The following DUSP16 variants were observed in gnomAD, a reference collection of about 807,000 sequenced individuals.
DUSP16 encodes dual specificity protein phosphatase 16.
In DUSP16, 21 loss-of-function variants were observed where a neutral mutation model predicts 58.3. The observed-to-expected ratio is 0.36, with a 90% CI of 0.26 to 0.52. The LOEUF (loss-of-function observed/expected upper bound fraction) is 0.52, where lower values mean the gene tolerates loss of function less well. DUSP16 is among the 20% of genes least tolerant of loss of function. The pLI, the probability that DUSP16 is intolerant of heterozygous loss-of-function variation, is 0.94. For synonymous variants in DUSP16, 320 were observed against 323.8 expected, an observed-to-expected ratio of 0.99 and a Z score of 0.12; for missense variants, 726 against 819.0, an observed-to-expected ratio of 0.89 and a Z score of 1.39.
At chr12:12,493,421 T>G (rs542074400) in intron 4 of DUSP16, among the ~76,000 whole-genome samples, 1 of 152,178 alleles carries the variant, frequency 6.6e-6, no homozygotes, top group Non-Finnish European at 1.5e-5. Flanking sequence ...AAATTCAGGC[T>G]ATTTTCAACA....
Position 12,477,476 on chromosome 12 carries a change from G to A in DUSP16, c.1355C>T (p.Ser452Leu), listed in dbSNP as rs762231755. The A allele has an allele frequency of 6.8e-5, 109 of 1,597,152 alleles. 1 individual carries two copies. Among genetic ancestry groups the A allele is most frequent in the Admixed American group, 6.8e-5 (4 of 58,738 alleles). ...LCQFSPVQEL[S>L]EQTPETSPDK... ...AGGACTGGTTTCGGGAGTCTGCTCC[G>A]ATAGTTCCTGAACAGGGGAGAACTG... Residue 452 changes from serine to leucine, a missense_variant, in exon 7 of 7, where the codon TCG becomes TTG. Transcript: ENST00000298573. The surrounding 1 kb of genome is among the most constrained non-coding windows in gnomAD (Gnocchi z 4.1).
chr12:12,497,667 TAA>T (rs58191075), intron 4 of DUSP16, among the ~76,000 whole-genome samples: 19 of 145,526 alleles, frequency 1.3e-4, no homozygotes, highest in Admixed American at 3.4e-4. Flanking sequence ...GCACTTCATT[TAA>T]AAAAAAAAAA....
In DUSP16 at chr12:12,512,475, C is replaced by T. The variant is rs1160268164; in HGVS notation, c.367+7387G>A. Among the ~76,000 whole-genome samples the T allele has an allele frequency of 3.3e-5, 5 of 152,168 alleles. No individual in the cohort carries two copies. In the South Asian group the frequency reaches 6.2e-4, roughly 19 times the overall value. On this transcript the variant is annotated intron_variant, in intron 3 of 6. Transcript: ENST00000298573. ...AAAGTCTGTACTCTTTAAGCAGCAT[C>T]TCCCCATTACCCCAGCCCTCCAGCC...
Position 12,487,133 on chromosome 12 carries a change from G to A in DUSP16, c.586C>T (p.Pro196Ser). The part of the protein sequence containing the change: ...GYVLNASNTC[P>S]KPDFIPESHF... ...GACTCGGGGATAAAGTCAGGCTTTG[G>A]ACAGGTATTGCTGGCATTTAACACA... The change falls in exon 5 of 7, where the codon CCA (proline) becomes TCA (serine). Residue 196 changes from proline (P) to serine (S), a missense_variant. Physicochemically the swap from Pro to Ser is moderately conservative, Grantham distance 74 (BLOSUM62 -1). Coordinates refer to ENST00000298573, the MANE Select transcript of DUSP16 (RefSeq NM_030640.3). 6.2e-7 allele frequency: 1 copy of A among 1,614,140 alleles called. No individual in the cohort carries two copies. The highest frequency in any genetic ancestry group is 8.5e-7 in the Non-Finnish European group (1 of 1,180,006).
At chr12:12,504,671 T>C (rs1269780000) in intron 3 of DUSP16, among the ~76,000 whole-genome samples, 1 of 121,344 alleles carries the variant, frequency 8.2e-6, no homozygotes, top group Non-Finnish European at 1.7e-5. Context: ...TTGGGCAACA[T>C]GGATAAACCC....
chr12:12,544,448 A>T (rs967783728), intron 1 of DUSP16, among the ~76,000 whole-genome samples: 3 of 152,178 alleles, frequency 2.0e-5, no homozygotes, highest in Non-Finnish European at 4.4e-5. Context: ...TGGTGAGCAT[A>T]AGTACACATT....
chr12:12,480,377 A>G (rs1286646135), intron 5 of DUSP16, 31 bp from the exon 6 acceptor site: 4 of 1,602,780 alleles, frequency 2.5e-6, no homozygotes, highest in African/African-American at 2.7e-5. Context: ...AAAGGTCACT[A>G]CTAACTATTT....
At chr12:12,487,373 T>C (rs956917055) in intron 4 of DUSP16, among the ~76,000 whole-genome samples, 186 bp from the exon 5 acceptor site, 8 of 151,402 alleles carry the variant, frequency 5.3e-5, no homozygotes, top group African/African-American at 1.7e-4. Context: ...AAAAAAAAAA[T>C]TTAAGGACAA....
In DUSP16 at chr12:12,557,371, C is replaced by T. The variant is rs191322238; in HGVS notation, c.-366+4746G>A. Among the ~76,000 whole-genome samples, 9 of 151,464 alleles carry T rather than the reference C, an allele frequency of 5.9e-5. No individual in the cohort carries two copies. The South Asian group carries it at 1.0e-3, about 18-fold the overall frequency. ...ACTCGGGAGGCTGAGGAAGGGGAAT[C>T]GCTTGAACCCGGGAGGCGGAGGCTG... On this transcript the variant is annotated intron_variant, in intron 1 of 6. Coordinates refer to ENST00000298573, the MANE Select transcript of DUSP16 (RefSeq NM_030640.3).
At chr12:12,530,010 A>AT (rs1346342448) in intron 1 of DUSP16, among the ~76,000 whole-genome samples, 1 of 152,192 alleles carries the variant, frequency 6.6e-6, no homozygotes, top group Non-Finnish European at 1.5e-5. Flanking sequence ...GTATGCAAAC[A>AT]TCTCATTTTC....
chr12:12,496,457 A>G (rs1256886247), intron 4 of DUSP16, among the ~76,000 whole-genome samples: 4 of 152,232 alleles, frequency 2.6e-5, no homozygotes, highest in African/African-American at 9.6e-5. Context: ...GCATGTTAAG[A>G]GGCTGAAATA....
chr12:12,500,807 C>T (rs543162078), intron 3 of DUSP16, 125 bp from the exon 4 acceptor site: 39 of 816,758 alleles, frequency 4.8e-5, no homozygotes, highest in Non-Finnish European at 6.2e-5. Context: ...ACACCTATTC[C>T]TGGCTACAGC....
chr12:12,561,912 G>C (rs1713538440), intron 1 of DUSP16, among the ~76,000 whole-genome samples: 1 of 150,482 alleles, frequency 6.6e-6, no homozygotes, highest in African/African-American at 2.4e-5. Flanking sequence ...CGCTCCTGCG[G>C]CCCCCGGCCG....
At chr12:12,480,466 G>T in intron 5 of DUSP16, 120 bp from the exon 6 acceptor site, 1 of 1,159,652 alleles carries the variant, frequency 8.6e-7, no homozygotes, top group Non-Finnish European at 1.2e-6. Flanking sequence ...TCTCATCTGT[G>T]TATATCATAT....
intron 5 of DUSP16, 40 bp downstream of exon 5, chr12:12,486,988 G>T (rs772622627): frequency 1.9e-6 from 3 of 1,607,646 alleles, no homozygotes; most frequent in South Asian, 1.1e-5. Context: ...CACATGAGAC[G>T]ATCACCCACA....
chr12:12,486,908 GA>G, intron 5 of DUSP16, 119 bp downstream of exon 5: 1 of 1,237,444 alleles, frequency 8.1e-7, no homozygotes, highest in African/African-American at 1.5e-5. Flanking sequence ...GCTGTTTTCA[GA>G]CTTTTGAAAT....
intron 6 of DUSP16, among the ~76,000 whole-genome samples, 166 bp from the exon 7 acceptor site, chr12:12,478,181 G>A (rs991572332): frequency 1.7e-4 from 26 of 152,272 alleles, no homozygotes; most frequent in South Asian, 6.2e-4. Context: ...GAATACAAAG[G>A]CCCTAGGCAC....
At chr12:12,492,136 C>T (rs1470273790) in intron 4 of DUSP16, among the ~76,000 whole-genome samples, 2 of 152,202 alleles carry the variant, frequency 1.3e-5, no homozygotes, top group East Asian at 3.8e-4. Context: ...GAGAAAAACA[C>T]TCCACAATGC....
At chr12:12,533,679 AACTAACCCTAGGAATTTAGAG>A (rs1323906757) in intron 1 of DUSP16, among the ~76,000 whole-genome samples, 1 of 152,178 alleles carries the variant, frequency 6.6e-6, no homozygotes, top group Admixed American at 6.5e-5. Flanking sequence ...ATGAGGGCAA[AACTAACCCTAGGAATTTAGAG>A]ACAAGTGAGG....
Sources: gnomAD v4.1 joint callset for allele counts (sites outside exome capture counted in the v4.1 genomes callset) on GRCh38, gnomAD v4.1.1 for gene constraint, Gnocchi (gnomAD v3.1) non-coding constraint, MANE v1.5 for transcripts, NCBI Gene and HGNC (gene_info 2026-07-23, HGNC 2026-07-21) for gene names.